The following ZNF93 variants were observed in gnomAD, a reference collection of about 807,000 sequenced individuals.
ZNF93 encodes zinc finger protein 93, also known as zinc finger protein 505.
Under a neutral mutation model 45.0 loss-of-function variants are expected in ZNF93, and 29 were observed. The ratio of observed to expected loss-of-function variants is 0.64; its 90% confidence interval spans 0.48 to 0.88. The LOEUF (loss-of-function observed/expected upper bound fraction) is 0.88, where lower values mean the gene tolerates loss of function less well. ZNF93 is among the 40% of genes least tolerant of loss of function. The probability of loss-of-function intolerance (pLI) is 0.00; values close to 1 mark genes in which losing one functional copy is unlikely to be tolerated. For synonymous variants in ZNF93, 223 were observed against 244.6 expected (o/e 0.91, Z 0.82); for missense variants, 578 against 724.0 (o/e 0.80, Z 2.31).
At chr19:19,924,338 G>A (rs1403146467) in intron 3 of ZNF93, among the ~76,000 whole-genome samples, 5 of 152,062 alleles carry the variant, frequency 3.3e-5, no homozygotes, top group East Asian at 1.9e-4. Flanking sequence ...TGATCCGCCC[G>A]TCTCTGCCTC....
chr19:19,928,407 A>C (rs952303563), intron 3 of ZNF93, among the ~76,000 whole-genome samples: 2 of 152,218 alleles, frequency 1.3e-5, no homozygotes, highest in Non-Finnish European at 2.9e-5. Context: ...AATATATTGA[A>C]GAGTGTGTTT....
intron 3 of ZNF93, among the ~76,000 whole-genome samples, chr19:19,924,306 G>T (rs570570449): frequency 2.6e-5 from 4 of 152,084 alleles, no homozygotes; most frequent in South Asian, 4.1e-4. Context: ...GGTAAGGCTG[G>T]TCGGAAACTC....
intron 2 of ZNF93, among the ~76,000 whole-genome samples, chr19:19,915,796 C>A (rs866774438): frequency 3.3e-5 from 5 of 152,098 alleles, no homozygotes; most frequent in South Asian, 2.1e-4. Flanking sequence ...GAGCCGAGAT[C>A]GTGCCGTTGC....
chr19:19,910,038 C>T (rs990621894), intron 1 of ZNF93, among the ~76,000 whole-genome samples: 2 of 152,138 alleles, frequency 1.3e-5, no homozygotes, highest in East Asian at 1.9e-4. Context: ...ACTATGGAGC[C>T]CAGAAACCCA....
intron 3 of ZNF93, among the ~76,000 whole-genome samples, chr19:19,917,543 T>C (rs1019438547): frequency 6.6e-6 from 1 of 152,204 alleles, no homozygotes. Flanking sequence ...TTTTCTGTTT[T>C]GGTAATTTAC....
chr19:19,933,145 A>G (rs376342028), intron 3 of ZNF93, 37 bp from the exon 4 acceptor site: 1 of 1,416,314 alleles, frequency 7.1e-7, no homozygotes, highest in Non-Finnish European at 9.4e-7. Flanking sequence ...ATCTGAGTCT[A>G]GCAATTGAAG....
chr19:19,919,244 T>G (rs1292202049), intron 3 of ZNF93, among the ~76,000 whole-genome samples: 1 of 152,232 alleles, frequency 6.6e-6, no homozygotes, highest in African/African-American at 2.4e-5. Context: ...GTCAGGTTTG[T>G]CAAAGATCAG....
chr19:19,902,005 G>C (rs1300153225), intron 1 of ZNF93, among the ~76,000 whole-genome samples: 4 of 152,080 alleles, frequency 2.6e-5, no homozygotes, highest in Admixed American at 6.5e-5. Flanking sequence ...CACGAGAATT[G>C]CTTGAACCTG....
At chr19:19,917,043 ATG>A (rs926318598) in intron 3 of ZNF93, among the ~76,000 whole-genome samples, 1 of 152,136 alleles carries the variant, frequency 6.6e-6, no homozygotes, top group African/African-American at 2.4e-5. Flanking sequence ...CAGGTCTAAA[ATG>A]TGTGAGAGTA....
At chr19:19,923,311 AG>A (rs1485836251) in intron 3 of ZNF93, among the ~76,000 whole-genome samples, 2 of 152,110 alleles carry the variant, frequency 1.3e-5, no homozygotes, top group Non-Finnish European at 2.9e-5. Context: ...TTCATCTCAG[AG>A]GGGTACCCGG....
chr19:19,912,735 A>G (rs2063312903), intron 1 of ZNF93, among the ~76,000 whole-genome samples: 1 of 152,170 alleles, frequency 6.6e-6, no homozygotes, highest in Non-Finnish European at 1.5e-5. Context: ...GAAACAGAAG[A>G]AAAAATAAAA....
At position 19,933,303 on chromosome 19, in the gene ZNF93, G is replaced by C. The variant is rs989920923; in HGVS notation, c.348G>C (p.Arg116Ser). 1 of 1,611,416 alleles carries C rather than the reference G, an allele frequency of 6.2e-7. No individual in the cohort carries two copies. The highest frequency in any genetic ancestry group is 8.5e-7 in the Non-Finnish European group (1 of 1,178,788). Residue 116 changes from arginine to serine, a missense_variant, in exon 4 of 4, where the codon AGG becomes AGC. By Grantham distance (110) the Arg-to-Ser change is moderately radical. Coordinates refer to ENST00000343769, the MANE Select transcript of ZNF93 (RefSeq NM_031218.4). ...RGHGNLQLIK[R>S]CESVDECKVH... ...ATGGAAATTTACAGTTAATAAAAAG[G>C]TGTGAAAGTGTAGATGAGTGTAAGG...
chr19:19,915,073 T>G, intron 1 of ZNF93, among the ~76,000 whole-genome samples: 1 of 152,250 alleles, frequency 6.6e-6, no homozygotes, highest in Non-Finnish European at 1.5e-5. Context: ...ATATCATATA[T>G]GAACTGATGT....
intron 1 of ZNF93, among the ~76,000 whole-genome samples, chr19:19,907,014 T>C (rs1465970210): frequency 6.6e-6 from 1 of 151,064 alleles, no homozygotes; most frequent in Non-Finnish European, 1.5e-5. Context: ...CAAAAAAATT[T>C]TGCTATTCTC....
rs369839014 is a variant in ZNF93 at position 19,933,658 on chromosome 19, G to A, written c.703G>A (p.Asp235Asn). 1.2e-5 allele frequency: 20 copies of A among 1,612,160 alleles called. No individual in the cohort carries two copies. In the African/African-American group the frequency reaches 2.7e-4, roughly 22 times the overall value. ...GAAACCATACAAGTGTGATAAATGT[G>A]ACAAAGCCTTTATTGCATCCTCAAC... ...GEKPYKCDKC[D>N]KAFIASSTLS... The change falls in exon 4 of 4, where the codon GAC becomes AAC. Residue 235 changes from aspartate (D) to asparagine (N), a missense_variant. Physicochemically the swap from Asp to Asn is conservative, Grantham distance 23. This residue lies in a region of ZNF93 where 446 missense variants were observed against 547.6 expected (regional missense o/e 0.81). Transcript: ENST00000343769.
At chr19:19,906,117 C>T (rs2063292200) in intron 1 of ZNF93, among the ~76,000 whole-genome samples, 1 of 152,202 alleles carries the variant, frequency 6.6e-6, no homozygotes, top group Non-Finnish European at 1.5e-5. Flanking sequence ...CTGCTTTTTA[C>T]AGTTGTTGAA....
In ZNF93 at chr19:19,934,614, T is replaced by A. The variant is rs763127727; in HGVS notation, c.1659T>A (p.Thr553=). 10 of 1,613,940 alleles carry A rather than the reference T, an allele frequency of 6.2e-6. No homozygotes were observed. The highest frequency in any genetic ancestry group is 8.5e-6 in the Non-Finnish European group (10 of 1,179,986). Reference sequence around the variant, plus strand: ...CTTTTCACCTATCCACACACCTTACTACACATAAGATACTTCATACTGGAG... The same window carrying A: ...CTTTTCACCTATCCACACACCTTACAACACATAAGATACTTCATACTGGAG... ...GKAFHLSTHL[T]THKILHTGEK... is the part of the protein sequence containing the mutation. The change falls in exon 4 of 4, where the codon ACT becomes ACA. Residue 553 remains threonine, a synonymous_variant. Transcript: ENST00000343769.
At chr19:19,908,766 C>T (rs1007133385) in intron 1 of ZNF93, 5 of 143,788 alleles carry the variant, frequency 3.5e-5, no homozygotes, top group African/African-American at 1.3e-4. Flanking sequence ...TGGCTTGAAC[C>T]CAGGAGGCGG....
intron 3 of ZNF93, among the ~76,000 whole-genome samples, chr19:19,921,797 T>C (rs2063343137): frequency 1.3e-5 from 2 of 151,960 alleles, no homozygotes; most frequent in South Asian, 2.1e-4. Context: ...ATTTGCTTGG[T>C]AGATCTTCCT....
Sources: allele counts gnomAD v4.1 joint callset (sites outside exome capture counted in the v4.1 genomes callset), GRCh38; gene constraint gnomAD v4.1.1; regional missense constraint gnomAD v4.1.1; transcripts MANE v1.5; gene names NCBI Gene and HGNC (gene_info 2026-07-23, HGNC 2026-07-21).